MYO5B: variants seen among roughly 807,000 people sequenced by gnomAD.
MYO5B encodes unconventional myosin-Vb.
Under a neutral mutation model 229.3 loss-of-function variants are expected in MYO5B, and 143 were observed. The observed-to-expected ratio is 0.62, with a 90% CI of 0.54 to 0.72. The LOEUF is 0.72. Ranked by LOEUF, MYO5B falls within the 30% of genes least tolerant of loss-of-function variation. The pLI, the probability that MYO5B is intolerant of heterozygous loss-of-function variation, is 0.00. For synonymous variants in MYO5B, 918 were observed against 885.2 expected, an observed-to-expected ratio of 1.04 and a Z score of -0.66; for missense variants, 2,321 against 2,331.0, an observed-to-expected ratio of 1.00 and a Z score of 0.09.
intron 14 of MYO5B, among the ~76,000 whole-genome samples, chr18:49,941,568 T>C (rs546166347): frequency 1.1e-4 from 16 of 152,182 alleles, no homozygotes; most frequent in African/African-American, 3.9e-4. Context: ...CCCTGGAGGG[T>C]ACCCCAGTGA....
chr18:50,046,230 C>A (rs1008440203), intron 2 of MYO5B, among the ~76,000 whole-genome samples: 18 of 152,180 alleles, frequency 1.2e-4, no homozygotes, highest in African/African-American at 4.3e-4. Context: ...GGCTCTCAAC[C>A]CTCCCTGCAC....
rs868716202 is a variant in MYO5B at position 49,984,772 on chromosome 18, C to A, written c.892G>T (p.Gly298Cys). 5 of 1,613,870 alleles carry A rather than the reference C, an allele frequency of 3.1e-6. No homozygotes were observed. Among genetic ancestry groups the A allele is most frequent in the Non-Finnish European group, 4.2e-6 (5 of 1,179,908 alleles). Residue 298 changes from glycine (G) to cysteine (C), a missense_variant, in exon 8 of 40, where the codon GGT becomes TGT. Physicochemically the swap from Gly to Cys is radical, Grantham distance 159. This residue lies in a region of MYO5B where 2,113 missense variants were observed against 2,044.7 expected (regional missense o/e 1.03). Transcript: ENST00000285039. ...TCAAAGTCCTCAGCATCGTCCACAC[C>A]CTCGATGGAAGTGTCTCCTCCCTGT... is the stretch of plus-strand genomic sequence containing the variant. ...TSQGGDTSIE[G>C]VDDAEDFEKT...
At chr18:49,960,394 C>T (rs915271557) in intron 12 of MYO5B, among the ~76,000 whole-genome samples, 11 of 152,338 alleles carry the variant, frequency 7.2e-5, no homozygotes, top group Middle Eastern at 3.4e-3. Context: ...TGCCCAGCCA[C>T]GGCAAACCCA....
At chr18:49,896,909 C>G (rs2024785156) in intron 21 of MYO5B, among the ~76,000 whole-genome samples, 1 of 152,136 alleles carries the variant, frequency 6.6e-6, no homozygotes, top group South Asian at 2.1e-4. Flanking sequence ...GCCCCAGTGT[C>G]CTCATGTGTA....
At chr18:49,920,919 G>C (rs923368203) in intron 17 of MYO5B, among the ~76,000 whole-genome samples, 1 of 152,112 alleles carries the variant, frequency 6.6e-6, no homozygotes, top group African/African-American at 2.4e-5. Context: ...AAGGAACGAA[G>C]ACAGATCTCA....
intron 27 of MYO5B, among the ~76,000 whole-genome samples, chr18:49,868,420 G>C (rs949236390): frequency 6.6e-6 from 1 of 152,218 alleles, no homozygotes; most frequent in Non-Finnish European, 1.5e-5. Context: ...GGTGAAAAGT[G>C]TTTAAGTGCC....
intron 1 of MYO5B, among the ~76,000 whole-genome samples, chr18:50,100,813 A>G (rs543481197): frequency 5.3e-5 from 8 of 152,342 alleles, no homozygotes; most frequent in Admixed American, 3.3e-4. Flanking sequence ...CAATCAGAGC[A>G]TGGCAAGACC....
chr18:49,904,569 A>T, intron 20 of MYO5B, 103 bp downstream of exon 20: 1 of 1,445,122 alleles, frequency 6.9e-7, no homozygotes, highest in Non-Finnish European at 9.7e-7. Context: ...GCATTTAGAA[A>T]AAAGTTGGGA....
intron 14 of MYO5B, among the ~76,000 whole-genome samples, chr18:49,942,380 C>CAAAAAAAAAAA (rs753691754): frequency 6.1e-5 from 2 of 32,746 alleles, no homozygotes; most frequent in African/African-American, 2.6e-4. Flanking sequence ...TTCTGCACAG[C>CAAAAAAAAAAA]AAAAAAAAAA....
chr18:49,902,456 GT>G (rs2024852403), intron 21 of MYO5B, 137 bp downstream of exon 21: 4 of 1,155,992 alleles, frequency 3.5e-6, no homozygotes, highest in Non-Finnish European at 5.1e-6. Flanking sequence ...GCCACAGTTA[GT>G]ATCTGCTGTG....
At chr18:50,187,349 C>G (rs1289988280) in intron 1 of MYO5B, among the ~76,000 whole-genome samples, 1 of 152,172 alleles carries the variant, frequency 6.6e-6, no homozygotes, top group African/African-American at 2.4e-5. Context: ...TCAAAGTGAT[C>G]CGTCAGTAAC....
At chr18:50,030,876 G>GGAAAA (rs2026380039) in intron 4 of MYO5B, among the ~76,000 whole-genome samples, 1 of 30,484 alleles carries the variant, frequency 3.3e-5, no homozygotes, top group African/African-American at 1.2e-4. Flanking sequence ...CTCCCTTTCA[G>GGAAAA]AAAAAAAAAA....
rs1180337991 is a variant in MYO5B at position 49,835,353 on chromosome 18, T to G, written c.5385A>C (p.Arg1795=). 3 of 1,608,040 alleles carry G rather than the reference T, an allele frequency of 1.9e-6. No homozygotes were observed. In the African/African-American group the frequency reaches 4.0e-5, roughly 21 times the overall value. ...CTATCTTAAAACTCACCTGGATTGT[T>G]CGTATAAAGGCCACTGTTACCCGTT... The part of the protein sequence containing the change: ...FEERVTVAFI[R]TIQAQLQERN... The change falls in exon 39 of 40, where the codon CGA becomes CGC. Residue 1795 remains arginine, a synonymous_variant. Coordinates refer to ENST00000285039, the MANE Select transcript of MYO5B (RefSeq NM_001080467.3).
At chr18:49,935,375 A>G (rs2025237835) in intron 16 of MYO5B, among the ~76,000 whole-genome samples, 1 of 152,244 alleles carries the variant, frequency 6.6e-6, no homozygotes. Context: ...CACACTGGAT[A>G]AGGCAGATGA....
intron 39 of MYO5B, among the ~76,000 whole-genome samples, chr18:49,831,643 C>A (rs56226904): frequency 6.6e-6 from 1 of 152,128 alleles, no homozygotes; most frequent in Non-Finnish European, 1.5e-5. Flanking sequence ...AACTGGAACT[C>A]TCATGCATTG....
Position 50,017,907 on chromosome 18 carries a change from T to C in MYO5B, c.456-16496A>G, listed in dbSNP as rs1370665319. Among the ~76,000 whole-genome samples the C allele has an allele frequency of 3.9e-5, 6 of 152,316 alleles. No individual in the cohort carries two copies. In the South Asian group the frequency reaches 6.2e-4, roughly 16 times the overall value. Reference sequence around the variant, plus strand: ...ACATTAAATTCTAATTAATTGCCTATAGAAATTTTCAAGTATTCAAGTGTA... The same window carrying C: ...ACATTAAATTCTAATTAATTGCCTACAGAAATTTTCAAGTATTCAAGTGTA... On this transcript the variant is annotated intron_variant, in intron 4 of 39. Coordinates refer to ENST00000285039, the MANE Select transcript of MYO5B (RefSeq NM_001080467.3).
rs1203579174 is a variant in MYO5B at position 49,980,518 on chromosome 18, T to C, written c.982A>G (p.Ile328Val). 6.2e-7 allele frequency: 1 copy of C among 1,613,878 alleles called. No individual in the cohort carries two copies. Among genetic ancestry groups the C allele is most frequent in the South Asian group, 1.1e-5 (1 of 91,074 alleles). The change falls in exon 9 of 40, where the codon ATA (isoleucine) becomes GTA (valine). Residue 328 changes from isoleucine (I) to valine (V), a missense_variant. By Grantham distance (29) the Ile-to-Val change is conservative (BLOSUM62 3). Around this residue, in one of 2 missense-constraint regions of MYO5B, gnomAD observed 2,113 missense variants for 2,044.7 expected, o/e 1.03. Transcript: ENST00000285039. ...KESHQMSIFKIIASILHLGSV... is the reference protein window; with the variant it reads ...KESHQMSIFKVIASILHLGSV... ...CCAAGGTGCAAGATAGAAGCAATTA[T>C]CTTAAAAATGCTCATCTGATGGGAC... is the stretch of plus-strand genomic sequence containing the variant.
intron 22 of MYO5B, among the ~76,000 whole-genome samples, chr18:49,887,610 T>C (rs1362308127): frequency 6.6e-6 from 1 of 152,182 alleles, no homozygotes; most frequent in Non-Finnish European, 1.5e-5. Context: ...ATGCCAGCAC[T>C]ACACTTCCTG....
intron 14 of MYO5B, among the ~76,000 whole-genome samples, chr18:49,940,941 T>G (rs1568039612): frequency 6.6e-6 from 1 of 152,188 alleles, no homozygotes; most frequent in East Asian, 1.9e-4. Context: ...AAAAATTAGT[T>G]CCTCTTACCT....
Sources: allele counts gnomAD v4.1 joint callset (sites outside exome capture counted in the v4.1 genomes callset), GRCh38; gene constraint gnomAD v4.1.1; regional missense constraint gnomAD v4.1.1; transcripts MANE v1.5; gene names NCBI Gene and HGNC (gene_info 2026-07-23, HGNC 2026-07-21).